Variants in TMEM117 observed in about 807,000 individuals in gnomAD.
The protein encoded by TMEM117 is transmembrane protein 117.
TMEM117 carries 27 observed loss-of-function variants against 52.4 expected under a neutral mutation model. The ratio of observed to expected loss-of-function variants is 0.51; its 90% CI spans 0.38 to 0.71. The LOEUF (loss-of-function observed/expected upper bound fraction) is 0.71, where lower values mean the gene tolerates loss of function less well. Among genes scored for constraint, TMEM117 ranks in the 30% least tolerant of loss-of-function variants. TMEM117 has a pLI of 0.00. For missense variants in TMEM117, 556 were observed against 630.5 expected (o/e 0.88, Z 1.26); for synonymous variants, 215 against 206.3 (o/e 1.04, Z -0.36).
At chr12:44,070,455 A>G (rs1947284871) in intron 3 of TMEM117, among the ~76,000 whole-genome samples, 1 of 152,226 alleles carries the variant, frequency 6.6e-6, no homozygotes, top group South Asian at 2.1e-4. Context: ...CAGTTAAGAA[A>G]TGAAGAAGTT....
rs561198808 is a variant in TMEM117, at chr12:44,264,270, G to C, written c.609-35310G>C. 1.4e-4 allele frequency among the ~76,000 whole-genome samples: 22 copies of C among 152,212 alleles called. No homozygotes were observed. The South Asian group carries it at 4.4e-3, about 30-fold the overall frequency. ...AAATTCAAAAGCCATTTCTCAGTGAGCCCTCTCACTTCCTTGATTTTATAA... is the reference window on the plus strand; with the variant it reads ...AAATTCAAAAGCCATTTCTCAGTGACCCCTCTCACTTCCTTGATTTTATAA... On this transcript the variant is annotated intron_variant, in intron 5 of 7. Transcript: ENST00000266534.
At chr12:43,814,434 C>G in the TMEM117 span, among the ~76,000 whole-genome samples, 1 of 152,162 alleles carries the variant, frequency 6.6e-6, no homozygotes, top group Non-Finnish European at 1.5e-5. Context: ...CCACTGGCTT[C>G]TCTAGATGTT....
At position 44,312,950 on chromosome 12, in the gene TMEM117, G is replaced by C. The variant is rs139205901; in HGVS notation, c.768+13211G>C. Among the ~76,000 whole-genome samples the C allele has an allele frequency of 2.0e-4, 31 of 152,168 alleles. 1 individual carries two copies. Among genetic ancestry groups the C allele is most frequent in the Admixed American group, 6.5e-4 (10 of 15,294 alleles). ...GTTCATGTTCTTTTGCCCACTTTTA[G>C]ATGAGATTATATGTGTTTTGCTTGT... On this transcript the variant is annotated intron_variant, in intron 6 of 7. Transcript: ENST00000266534.
intron 5 of TMEM117, among the ~76,000 whole-genome samples, chr12:44,225,368 A>T (rs1312819986): frequency 3.3e-5 from 5 of 152,160 alleles, no homozygotes; most frequent in African/African-American, 1.2e-4. Flanking sequence ...CATACATCTG[A>T]ATTACCGCAG....
chr12:43,800,417 C>A, the TMEM117 span: 1 of 1,580,806 alleles, frequency 6.3e-7, no homozygotes, highest in Admixed American at 1.7e-5. Flanking sequence ...ATATAGAATC[C>A]ACATACAAAC....
Position 44,143,609 on chromosome 12 carries a change from T to C in TMEM117, c.495T>C (p.Phe165=), listed in dbSNP as rs1477743470. The change falls in exon 4 of 8, where the codon TTT becomes TTC. Residue 165 remains phenylalanine, a synonymous_variant. Coordinates refer to ENST00000266534, the MANE Select transcript of TMEM117 (RefSeq NM_032256.3). ...CAGTAGGGACCTGGATGGGGGACTT[T>C]GTCACAGCTTGGATGGTAAGAAAAT... ...LAAVGTWMGD[F]VTAWMVTDMM... The C allele has an allele frequency of 1.2e-6, 2 of 1,613,000 alleles. No individual in the cohort carries two copies. The highest frequency in any genetic ancestry group is 1.7e-6 in the Non-Finnish European group (2 of 1,179,624).
At chr12:44,021,980 A>G (rs1249605525) in intron 3 of TMEM117, among the ~76,000 whole-genome samples, 2 of 152,208 alleles carry the variant, frequency 1.3e-5, no homozygotes, top group African/African-American at 4.8e-5. Context: ...TGTGTAATAT[A>G]TATCTATGAG....
intron 5 of TMEM117, among the ~76,000 whole-genome samples, chr12:44,281,099 A>G (rs1478706855): frequency 2.0e-5 from 3 of 152,350 alleles, no homozygotes; most frequent in Admixed American, 2.0e-4. Context: ...GTAATAAAGC[A>G]TTAGATGCTT....
chr12:44,378,431 A>G (rs1176706930), intron 7 of TMEM117, among the ~76,000 whole-genome samples: 2 of 152,212 alleles, frequency 1.3e-5, no homozygotes, highest in Non-Finnish European at 2.9e-5. Flanking sequence ...ATAAAATTAC[A>G]TCTCAAAATT....
chr12:44,280,153 G>A (rs936057913), intron 5 of TMEM117, among the ~76,000 whole-genome samples: 1 of 151,998 alleles, frequency 6.6e-6, no homozygotes, highest in African/African-American at 2.4e-5. Flanking sequence ...TCATTTGAAA[G>A]ATTCAAAATT....
intron 5 of TMEM117, among the ~76,000 whole-genome samples, chr12:44,226,868 T>G (rs1163683055): frequency 6.6e-6 from 1 of 152,104 alleles, no homozygotes; most frequent in Non-Finnish European, 1.5e-5. Context: ...AAAGATCTGT[T>G]GTTTAGGCAT....
chr12:44,275,530 G>A (rs59594716), intron 5 of TMEM117, among the ~76,000 whole-genome samples: 6 of 151,978 alleles, frequency 3.9e-5, no homozygotes, highest in Admixed American at 1.3e-4. Context: ...CAATAGCCAC[G>A]ATTTGGAAGC....
intron 3 of TMEM117, among the ~76,000 whole-genome samples, chr12:44,024,677 G>T (rs973643077): frequency 6.6e-6 from 1 of 151,956 alleles, no homozygotes; most frequent in Non-Finnish European, 1.5e-5. Flanking sequence ...TGGAAACAAA[G>T]TGGAAGGATT....
At chr12:44,386,509 A>G (rs1204584786) in intron 7 of TMEM117, among the ~76,000 whole-genome samples, 1 of 152,126 alleles carries the variant, frequency 6.6e-6, no homozygotes, top group Non-Finnish European at 1.5e-5. Flanking sequence ...ATTCCCCTTC[A>G]TATAGTTTAG....
In TMEM117 at chr12:43,990,702, G is replaced by T. The variant is rs368847035; in HGVS notation, c.410+46360G>T. 1.1e-4 allele frequency among the ~76,000 whole-genome samples: 17 copies of T among 152,228 alleles called. 1 individual carries two copies. The East Asian group carries it at 3.1e-3, about 28-fold the overall frequency. On this transcript the variant is annotated intron_variant, in intron 3 of 7. Transcript: ENST00000266534. ...CTCATTATTTTTTCAGTATGTCCCT[G>T]TGAGGTAGCTGTTAAGTATTATTCC...
At chr12:44,162,995 G>T (rs113421466) in intron 4 of TMEM117, among the ~76,000 whole-genome samples, 19 of 152,280 alleles carry the variant, frequency 1.2e-4, no homozygotes, top group African/African-American at 4.3e-4. Context: ...AGGAAGATCA[G>T]GCCTTCTGGT....
At chr12:44,325,625 C>T (rs768892516) in intron 6 of TMEM117, among the ~76,000 whole-genome samples, 15 of 151,946 alleles carry the variant, frequency 9.9e-5, no homozygotes, top group Non-Finnish European at 2.1e-4. Flanking sequence ...GCTCCTTGCA[C>T]ATTAAAGAAA....
intron 2 of TMEM117, among the ~76,000 whole-genome samples, chr12:43,857,348 G>A (rs974460643): frequency 1.3e-5 from 2 of 150,378 alleles, no homozygotes; most frequent in African/African-American, 4.9e-5. Flanking sequence ...ATACAAATGA[G>A]TCATTCAGGG....
At chr12:44,141,487 C>A (rs776845679) in intron 3 of TMEM117, among the ~76,000 whole-genome samples, 1 of 151,914 alleles carries the variant, frequency 6.6e-6, no homozygotes, top group African/African-American at 2.4e-5. Context: ...TGTATCCAGC[C>A]GCCTGTCTCT....
Sources: allele counts gnomAD v4.1 joint callset (sites outside exome capture counted in the v4.1 genomes callset), GRCh38; gene constraint gnomAD v4.1.1; transcripts MANE v1.5; gene names NCBI Gene and HGNC (gene_info 2026-07-23, HGNC 2026-07-21).